The following ELF5 variants were observed in gnomAD, a reference collection of about 807,000 sequenced individuals.
ELF5 encodes the protein E74 like ETS transcription factor 5, also known as ETS-related transcription factor Elf-5.
In ELF5, 31 loss-of-function variants were observed where a neutral mutation model predicts 38.2. The observed-to-expected ratio is 0.81, with a 90% CI of 0.61 to 1.10. ELF5 has a LOEUF of 1.10. Ranked by LOEUF, ELF5 falls within the 50% of genes least tolerant of loss-of-function variation. The pLI, the probability that ELF5 is intolerant of heterozygous loss-of-function variation, is 0.00. For missense variants in ELF5, 300 were observed against 306.6 expected (o/e 0.98, Z 0.16); for synonymous variants, 121 against 112.5 (o/e 1.08, Z -0.48).
At chr11:34,500,603 G>A (rs1850440650) in intron 2 of ELF5, among the ~76,000 whole-genome samples, 1 of 152,254 alleles carries the variant, frequency 6.6e-6, no homozygotes, top group African/African-American at 2.4e-5. Context: ...CAGTCCTGGG[G>A]CCATGGCCAC....
chr11:34,499,689 G>A (rs948187615), intron 2 of ELF5, among the ~76,000 whole-genome samples: 1 of 152,226 alleles, frequency 6.6e-6, no homozygotes, highest in African/African-American at 2.4e-5. Context: ...GCAGTGGTAA[G>A]AAAGTTTGTG....
chr11:34,493,327 T>C (rs963061933), intron 3 of ELF5, 152 bp downstream of exon 3: 27 of 738,650 alleles, frequency 3.7e-5, no homozygotes, highest in Middle Eastern at 6.4e-4. Context: ...AATTCTGGCA[T>C]ACTAGCTTCC....
intron 1 of ELF5, among the ~76,000 whole-genome samples, chr11:34,513,372 G>A (rs555000906): frequency 6.6e-6 from 1 of 152,374 alleles, no homozygotes; most frequent in Non-Finnish European, 1.5e-5. Flanking sequence ...AGAAGCTTTA[G>A]GGAGGATAGA....
At chr11:34,510,695 A>T (rs1336774554) in intron 1 of ELF5, among the ~76,000 whole-genome samples, 1 of 152,128 alleles carries the variant, frequency 6.6e-6, no homozygotes, top group East Asian at 1.9e-4. Flanking sequence ...CAAAAAACTG[A>T]GTTATTAATT....
At chr11:34,505,604 G>T (rs1850592206) in intron 2 of ELF5, 25 bp downstream of exon 2, 1 of 1,612,772 alleles carries the variant, frequency 6.2e-7, no homozygotes, top group African/African-American at 1.3e-5. Context: ...GCTGCACTCA[G>T]ATGGGCTCCT....
chr11:34,499,448 C>T (rs1422733403), intron 2 of ELF5, among the ~76,000 whole-genome samples: 2 of 152,076 alleles, frequency 1.3e-5, no homozygotes, highest in African/African-American at 4.8e-5. Context: ...CCATTTTGCT[C>T]AGGCTGGTTG....
chr11:34,496,508 C>T (rs1850325797), intron 2 of ELF5, among the ~76,000 whole-genome samples: 1 of 152,230 alleles, frequency 6.6e-6, no homozygotes, highest in South Asian at 2.1e-4. Context: ...TTTCAGGAGG[C>T]TCCACGGCCC....
Position 34,505,625 on chromosome 11 carries a change from G to A in ELF5, c.121+4C>T, listed in dbSNP as rs751397954. ...CTCAGATGGGCTCCTTCAAATGTAC[G>A]CACCTGTCTGATGCTCAAAGGCAGG... On this transcript the variant is annotated splice_donor_region_variant and intron_variant, in intron 2 of 6. Coordinates refer to ENST00000257832, the MANE Select transcript of ELF5 (RefSeq NM_001422.4). 5 of 1,613,462 alleles carry A rather than the reference G, an allele frequency of 3.1e-6. No homozygotes were observed. The highest frequency in any genetic ancestry group is 2.2e-5 in the East Asian group (1 of 44,878).
chr11:34,486,279 A>C (rs943153733), intron 4 of ELF5, among the ~76,000 whole-genome samples: 1 of 152,084 alleles, frequency 6.6e-6, no homozygotes, highest in Non-Finnish European at 1.5e-5. Flanking sequence ...TCCTGGGCCC[A>C]GAACACCCTC....
chr11:34,496,433 G>A (rs1850323098), intron 2 of ELF5, among the ~76,000 whole-genome samples: 1 of 152,226 alleles, frequency 6.6e-6, no homozygotes, highest in South Asian at 2.1e-4. Context: ...TGGCAGAGCG[G>A]AGGCTGCCCA....
chr11:34,482,224 A>G (rs145066660), intron 5 of ELF5, among the ~76,000 whole-genome samples: 2 of 152,358 alleles, frequency 1.3e-5, no homozygotes, highest in East Asian at 3.9e-4. Context: ...TGCTATTGTC[A>G]GATGCTTAAT....
chr11:34,484,482 A>ACTATCCTATCCTATCCTATCCTATC (rs769315692), intron 4 of ELF5, among the ~76,000 whole-genome samples: 334 of 21,222 alleles, frequency 0.016, 4 homozygotes, highest in East Asian at 0.1. Flanking sequence ...CACTATACTA[A>ACTATCCTATCCTATCCTATCCTATC]CTATACTATA....
In ELF5 at chr11:34,505,610, C is replaced by T. The variant is rs1274560884; in HGVS notation, c.121+19G>A. ...CCCATCCTGGCTGCACTCAGATGGG[C>T]TCCTTCAAATGTACGCACCTGTCTG... On this transcript the variant is annotated intron_variant, in intron 2 of 6. Coordinates refer to ENST00000257832, the MANE Select transcript of ELF5 (RefSeq NM_001422.4). 6.2e-7 allele frequency: 1 copy of T among 1,613,124 alleles called. No homozygotes were observed. The highest frequency in any genetic ancestry group is 1.1e-5 in the South Asian group (1 of 90,944).
In ELF5 at chr11:34,480,901, C is replaced by T. The variant is rs755966101; in HGVS notation, c.542G>A (p.Gly181Asp). 7 of 1,614,132 alleles carry T rather than the reference C, an allele frequency of 4.3e-6. No homozygotes were observed. The highest frequency in any genetic ancestry group is 5.9e-6 in the Non-Finnish European group (7 of 1,180,030). Residue 181 changes from glycine (G) to aspartate (D), a missense_variant, in exon 6 of 7, where the codon GGC becomes GAC. Transcript: ENST00000257832. ...DLLLSPEENC[G>D]ILEWEDREQG... Reference sequence around the variant, plus strand: ...TTCCCTATCTTCCCATTCCAGAATGCCACAGTTTTCTTCAGGAGATAGAAG... The same window carrying T: ...TTCCCTATCTTCCCATTCCAGAATGTCACAGTTTTCTTCAGGAGATAGAAG...
At chr11:34,508,055 A>G (rs779418111) in intron 1 of ELF5, among the ~76,000 whole-genome samples, 10 of 152,256 alleles carry the variant, frequency 6.6e-5, no homozygotes, top group Non-Finnish European at 1.3e-4. Flanking sequence ...AGCAATATAA[A>G]TGGAAAGTCA....
chr11:34,511,984 T>A (rs143635186), intron 1 of ELF5, among the ~76,000 whole-genome samples: 87 of 152,270 alleles, frequency 5.7e-4, no homozygotes, highest in African/African-American at 2.1e-3. Flanking sequence ...TGGCCAAGAT[T>A]GGGCTTCCTC....
intron 2 of ELF5, among the ~76,000 whole-genome samples, chr11:34,503,117 A>T (rs1476478283): frequency 6.6e-6 from 1 of 152,232 alleles, no homozygotes; most frequent in Non-Finnish European, 1.5e-5. Flanking sequence ...CACAGTCATC[A>T]GTGCTATTCA....
intron 3 of ELF5, among the ~76,000 whole-genome samples, chr11:34,490,313 G>T (rs1850133024): frequency 2.0e-5 from 3 of 152,206 alleles, no homozygotes; most frequent in African/African-American, 7.2e-5. Context: ...AGCCTCTGCA[G>T]ATTTTCTGAG....
chr11:34,489,892 A>T, intron 4 of ELF5, 117 bp downstream of exon 4: 3 of 1,240,394 alleles, frequency 2.4e-6, no homozygotes, highest in East Asian at 2.3e-5. Flanking sequence ...TGCTTTCTCC[A>T]GGTCTGGGAT....
Sources: gnomAD v4.1 joint callset for allele counts (sites outside exome capture counted in the v4.1 genomes callset) on GRCh38, gnomAD v4.1.1 for gene constraint, MANE v1.5 for transcripts, NCBI Gene and HGNC (gene_info 2026-07-23, HGNC 2026-07-21) for gene names.